The following PPFIA2 variants were observed in gnomAD, a reference collection of about 807,000 sequenced individuals.
The protein encoded by PPFIA2 is liprin-alpha-2.
In PPFIA2, 46 loss-of-function variants were observed where a neutral mutation model predicts 175.5. The ratio of observed to expected loss-of-function variants is 0.26; its 90% CI spans 0.21 to 0.34. PPFIA2 has a LOEUF of 0.34. Ranked by LOEUF, PPFIA2 falls within the 10% of genes least tolerant of loss-of-function variation. The pLI, the probability that PPFIA2 is intolerant of heterozygous loss-of-function variation, is 1.00. For synonymous variants in PPFIA2, 568 were observed against 511.4 expected (o/e 1.11, Z -1.49); for missense variants, 1,179 against 1,506.1 (o/e 0.78, Z 3.60).
At chr12:81,494,948 G>GT (rs2059867969) in intron 4 of PPFIA2, among the ~76,000 whole-genome samples, 1 of 108,232 alleles carries the variant, frequency 9.2e-6, no homozygotes, top group Admixed American at 1.2e-4. Context: ...CTGTTGTGGG[G>GT]TGGGGGGAGG....
At chr12:81,289,423 A>C (rs1297135191) in intron 24 of PPFIA2, among the ~76,000 whole-genome samples, 2 of 151,928 alleles carry the variant, frequency 1.3e-5, no homozygotes, top group African/African-American at 4.8e-5. Context: ...AAAATGTTTA[A>C]TTCATCAACT....
chr12:81,358,788 A>G (rs2061220609), intron 15 of PPFIA2, among the ~76,000 whole-genome samples: 1 of 152,090 alleles, frequency 6.6e-6, no homozygotes, highest in African/African-American at 2.4e-5. Flanking sequence ...TTATGGTCTT[A>G]TTTTTATAAA....
chr12:81,434,181 C>T (rs1170860961), intron 7 of PPFIA2, among the ~76,000 whole-genome samples: 2 of 151,950 alleles, frequency 1.3e-5, no homozygotes, highest in East Asian at 1.9e-4. Context: ...GTTAGGAACA[C>T]TGAAGAAATT....
intron 7 of PPFIA2, among the ~76,000 whole-genome samples, chr12:81,420,325 C>T (rs983020981): frequency 6.6e-6 from 1 of 151,920 alleles, no homozygotes; most frequent in Admixed American, 6.6e-5. Flanking sequence ...TAGTAACTGA[C>T]CACAAAGAAA....
At chr12:81,377,809 G>A (rs535558064) in intron 9 of PPFIA2, among the ~76,000 whole-genome samples, 1 of 152,226 alleles carries the variant, frequency 6.6e-6, no homozygotes, top group African/African-American at 2.4e-5. Flanking sequence ...GTGGTTTTGT[G>A]ACCTGATACT....
At chr12:81,589,917 G>A (rs1311058499) in intron 4 of PPFIA2, among the ~76,000 whole-genome samples, 6 of 152,098 alleles carry the variant, frequency 3.9e-5, no homozygotes, top group Non-Finnish European at 7.4e-5. Flanking sequence ...ACTCCTCACT[G>A]AAAATTCTTA....
intron 3 of PPFIA2, among the ~76,000 whole-genome samples, chr12:81,715,902 C>A (rs920270275): frequency 6.6e-6 from 1 of 151,038 alleles, no homozygotes; most frequent in African/African-American, 2.4e-5. Flanking sequence ...AAATGACTGA[C>A]CTTAATAAAC....
chr12:81,425,125 G>C (rs1435993103), intron 7 of PPFIA2, among the ~76,000 whole-genome samples: 1 of 152,242 alleles, frequency 6.6e-6, no homozygotes, highest in South Asian at 2.1e-4. Context: ...TTTTAAAGGT[G>C]ATTAGATAAT....
At chr12:81,596,222 G>GA (rs575295226) in intron 4 of PPFIA2, among the ~76,000 whole-genome samples, 234 of 142,654 alleles carry the variant, frequency 1.6e-3, no homozygotes, top group South Asian at 2.2e-3. Context: ...CTTTCTTTTG[G>GA]AAAAAAAAAA....
At chr12:81,463,818 C>T (rs2055092871) in intron 4 of PPFIA2, among the ~76,000 whole-genome samples, 1 of 152,070 alleles carries the variant, frequency 6.6e-6, no homozygotes, top group Non-Finnish European at 1.5e-5. Context: ...TAATTCAGCT[C>T]ATGGTGTAAA....
intron 4 of PPFIA2, among the ~76,000 whole-genome samples, chr12:81,620,017 G>A (rs754275635): frequency 3.3e-5 from 5 of 151,768 alleles, no homozygotes; most frequent in Non-Finnish European, 7.4e-5. Flanking sequence ...AAAATTATCC[G>A]GGCGTGATGG....
At chr12:81,336,700 C>G (rs1181445112) in intron 21 of PPFIA2, among the ~76,000 whole-genome samples, 1 of 152,058 alleles carries the variant, frequency 6.6e-6, no homozygotes, top group Non-Finnish European at 1.5e-5. Flanking sequence ...TGAGTTAAAC[C>G]TTTTAAGAGT....
At chr12:81,282,414 A>G (rs1418691902) in intron 26 of PPFIA2, among the ~76,000 whole-genome samples, 1 of 152,132 alleles carries the variant, frequency 6.6e-6, no homozygotes, top group Non-Finnish European at 1.5e-5. Context: ...TTATATTGAA[A>G]GGTTTCAATC....
intron 9 of PPFIA2, among the ~76,000 whole-genome samples, chr12:81,377,401 A>T (rs1167392021): frequency 6.6e-6 from 1 of 151,734 alleles, no homozygotes; most frequent in Non-Finnish European, 1.5e-5. Context: ...AATACAAAAA[A>T]CTTAGCTGGG....
intron 28 of PPFIA2, among the ~76,000 whole-genome samples, chr12:81,275,380 A>G (rs2040250097): frequency 6.6e-6 from 1 of 152,230 alleles, no homozygotes; most frequent in South Asian, 2.1e-4. Flanking sequence ...TTTTTAACCA[A>G]TCACTTTCAC....
Position 81,322,171 on chromosome 12 carries a change from C to T in PPFIA2, c.2642+3606G>A, listed in dbSNP as rs7978837. Among the ~76,000 whole-genome samples the T allele has an allele frequency of 6.3e-3, 960 of 152,036 alleles. 12 individuals carry two copies. Among genetic ancestry groups the T allele is most frequent in the African/African-American group, 0.022 (893 of 41,468 alleles). ...GGCTTTAATCGGCTATCCTGAACTT[C>T]GAAGCTTTTAGGTTAAAACATAGGC... On this transcript the variant is annotated intron_variant, in intron 22 of 32. Coordinates refer to ENST00000549396, the MANE Select transcript of PPFIA2 (RefSeq NM_003625.5).
chr12:81,660,996 C>T (rs1470213736), intron 4 of PPFIA2, among the ~76,000 whole-genome samples: 2 of 152,138 alleles, frequency 1.3e-5, no homozygotes, highest in Non-Finnish European at 2.9e-5. Context: ...CAAGCAAATG[C>T]TGAGAGATTT....
intron 7 of PPFIA2, among the ~76,000 whole-genome samples, chr12:81,437,304 A>G (rs2049247290): frequency 6.6e-6 from 1 of 152,086 alleles, no homozygotes; most frequent in African/African-American, 2.4e-5. Flanking sequence ...ATCTCGGCTC[A>G]CTGCAAGCTC....
chr12:81,659,552 C>G (rs1340636962), intron 4 of PPFIA2, among the ~76,000 whole-genome samples: 1 of 152,138 alleles, frequency 6.6e-6, no homozygotes, highest in East Asian at 1.9e-4. Context: ...AACAAAGCAG[C>G]GGGGAAGCTA....
Sources: gnomAD v4.1 joint callset for allele counts (sites outside exome capture counted in the v4.1 genomes callset) on GRCh38, gnomAD v4.1.1 for gene constraint, MANE v1.5 for transcripts, NCBI Gene and HGNC (gene_info 2026-07-23, HGNC 2026-07-21) for gene names.